The following CLOCK variants were observed in gnomAD, a reference collection of about 807,000 sequenced individuals.
CLOCK encodes the protein circadian locomoter output cycles protein kaput.
In CLOCK, 43 loss-of-function variants were observed where a neutral mutation model predicts 118.4. The observed-to-expected ratio is 0.36, with a 90% CI of 0.28 to 0.47. The LOEUF is 0.47. Among genes scored for constraint, CLOCK ranks in the 20% least tolerant of loss-of-function variants. The pLI is 1.00. For missense variants in CLOCK, 846 were observed against 999.9 expected (o/e 0.85, Z 2.08); for synonymous variants, 326 against 339.2 (o/e 0.96, Z 0.43).
chr4:55,491,833 T>C (rs532480764), intron 2 of CLOCK, among the ~76,000 whole-genome samples: 1 of 152,066 alleles, frequency 6.6e-6, no homozygotes, highest in Non-Finnish European at 1.5e-5. Flanking sequence ...ATAGACAAAT[T>C]AATCAGTAAG....
rs1723432547 is a variant in CLOCK at position 55,442,295 on chromosome 4, T to G, written c.2105+137A>C. On this transcript the variant is annotated intron_variant, in intron 21 of 22. Coordinates refer to ENST00000513440, the MANE Select transcript of CLOCK (RefSeq NM_004898.4). ...ACAATGAATACATTCAGTGTTTTTATTTCAAATTTAAGAACATTGGCTGCA... is the reference window on the plus strand; with the variant it reads ...ACAATGAATACATTCAGTGTTTTTAGTTCAAATTTAAGAACATTGGCTGCA... The G allele has an allele frequency of 5.1e-6, 4 of 782,260 alleles. No individual in the cohort carries two copies. The East Asian group carries it at 1.1e-4, about 21-fold the overall frequency. The allele number at this position is 782,260 out of a possible 1,614,324, so 48.5% of individuals were successfully genotyped here.
chr4:55,482,939 T>C, intron 3 of CLOCK, 111 bp from the exon 4 acceptor site: 1 of 505,010 alleles, frequency 2.0e-6, no homozygotes, highest in Non-Finnish European at 3.5e-6. Flanking sequence ...ACGTTTTGTT[T>C]GTACTGAAGA....
intron 1 of CLOCK, among the ~76,000 whole-genome samples, chr4:55,536,237 A>G (rs1483615170): frequency 6.6e-6 from 1 of 152,204 alleles, no homozygotes; most frequent in Non-Finnish European, 1.5e-5. Flanking sequence ...AGAAGACAAC[A>G]TCTGAAAAAA....
intron 2 of CLOCK, among the ~76,000 whole-genome samples, chr4:55,505,288 GA>G (rs996445283): frequency 1.3e-5 from 2 of 148,394 alleles, no homozygotes; most frequent in African/African-American, 2.5e-5. Context: ...AAAGCAGTTT[GA>G]AAAAAAAAGG....
At chr4:55,441,422 C>A (rs1159710864) in intron 21 of CLOCK, among the ~76,000 whole-genome samples, 1 of 152,166 alleles carries the variant, frequency 6.6e-6, no homozygotes, top group Non-Finnish European at 1.5e-5. Context: ...CAAAAAGACA[C>A]CTGCATACAT....
In CLOCK at chr4:55,455,953, C is replaced by G. The variant is rs748340308; in HGVS notation, c.926G>C (p.Gly309Ala). 8.1e-6 allele frequency: 13 copies of G among 1,613,512 alleles called. No individual in the cohort carries two copies. The Admixed American group carries it at 1.0e-4, about 12-fold the overall frequency. The part of the protein sequence containing the change: ...YLPFEVLGTS[G>A]YDYYHVDDLE... ...GTCATCCACATGATAGTAATCATAG[C>G]CTGATGTTCCCAGAACTTCAAATGG... Residue 309 changes from glycine (G) to alanine (A), a missense_variant, in exon 13 of 23, where the codon GGC (glycine) becomes GCC (alanine). Coordinates refer to ENST00000513440, the MANE Select transcript of CLOCK (RefSeq NM_004898.4).
At chr4:55,470,840 A>T in intron 7 of CLOCK, 34 bp from the exon 8 acceptor site, 1 of 1,446,668 alleles carries the variant, frequency 6.9e-7, no homozygotes, top group Non-Finnish European at 9.7e-7. Flanking sequence ...TTAAATGAAA[A>T]GAAAAAAGTA....
intron 1 of CLOCK, among the ~76,000 whole-genome samples, chr4:55,514,781 C>A (rs891009890): frequency 6.6e-6 from 1 of 152,052 alleles, no homozygotes; most frequent in Non-Finnish European, 1.5e-5. Flanking sequence ...ATTTGATTTG[C>A]TAATATTTTG....
At chr4:55,474,899 A>AG (rs1407748309) in intron 7 of CLOCK, among the ~76,000 whole-genome samples, 1 of 152,244 alleles carries the variant, frequency 6.6e-6, no homozygotes, top group Non-Finnish European at 1.5e-5. Flanking sequence ...GAGATGTACA[A>AG]GGAGATTAAT....
chr4:55,489,870 G>C (rs1296619786), intron 2 of CLOCK, among the ~76,000 whole-genome samples: 2 of 151,900 alleles, frequency 1.3e-5, no homozygotes, highest in Non-Finnish European at 2.9e-5. Context: ...TAAGCCCCAT[G>C]GTAATCACAT....
At chr4:55,516,649 C>G (rs1729533984) in intron 1 of CLOCK, among the ~76,000 whole-genome samples, 1 of 152,168 alleles carries the variant, frequency 6.6e-6, no homozygotes, top group African/African-American at 2.4e-5. Context: ...TTCATCCACT[C>G]TGGCACTGTC....
Position 55,473,488 on chromosome 4 carries a change from A to C in CLOCK, c.348+2475T>G, listed in dbSNP as rs558758381. ...TAACATTTCTGCTGAATACATAAAG[A>C]ATTAATCACACAATTAATTGTCCCA... On this transcript the variant is annotated intron_variant, in intron 7 of 22. Transcript: ENST00000513440. Among the ~76,000 whole-genome samples, 3 of 152,358 alleles carry C rather than the reference A, an allele frequency of 2.0e-5. No homozygotes were observed. In the South Asian group the frequency reaches 6.2e-4, roughly 32 times the overall value.
In CLOCK at chr4:55,448,769, CA is replaced by C. The variant is rs577243273; in HGVS notation, c.1539+9del. ...TCAAATACGCAACTGAAACAAAAAC[CA>C]AAAAGTACCTGGGACATGCCTTGTG... On this transcript the variant is annotated intron_variant, in intron 18 of 22. Transcript: ENST00000513440. The C allele has an allele frequency of 2.4e-4, 383 of 1,611,508 alleles. 2 individuals are homozygous for C. In the African/African-American group the frequency reaches 4.8e-3, roughly 20 times the overall value.
intron 8 of CLOCK, among the ~76,000 whole-genome samples, chr4:55,469,499 T>A (rs1725979329): frequency 6.6e-6 from 1 of 152,210 alleles, no homozygotes; most frequent in South Asian, 2.1e-4. Context: ...CCATGCCTAT[T>A]GTTTCTCCTG....
intron 1 of CLOCK, among the ~76,000 whole-genome samples, chr4:55,531,483 G>A (rs1287266695): frequency 6.6e-6 from 1 of 151,830 alleles, no homozygotes; most frequent in Non-Finnish European, 1.5e-5. Flanking sequence ...GAGAAGGGTG[G>A]ATCACAAGGT....
intron 8 of CLOCK, among the ~76,000 whole-genome samples, chr4:55,467,768 T>G (rs934975421): frequency 6.8e-6 from 1 of 147,234 alleles, no homozygotes; most frequent in African/African-American, 2.5e-5. Context: ...TTTCTGCCTA[T>G]GCTAGTTTAC....
rs1009827469 is a variant in CLOCK at position 55,438,423 on chromosome 4, A to T, written c.2220T>A (p.Thr740=). Residue 740 remains threonine (T), a synonymous_variant, in exon 22 of 23, where the codon ACT becomes ACA. Coordinates refer to ENST00000513440, the MANE Select transcript of CLOCK (RefSeq NM_004898.4). Reference sequence around the variant, plus strand: ...GTGACTGTTGCTGTTGTGTAGCAAAAGTAGGATATGCAGTCACCACCTGGC... The same window carrying T: ...GTGACTGTTGCTGTTGTGTAGCAAATGTAGGATATGCAGTCACCACCTGGC... The part of the protein sequence containing the change: ...LMGQVVTAYP[T]FATQQQQSQT... 7 of 1,613,828 alleles carry T rather than the reference A, an allele frequency of 4.3e-6. No homozygotes were observed. In the African/African-American group the frequency reaches 9.3e-5, roughly 22 times the overall value.
At chr4:55,450,372 A>C in intron 15 of CLOCK, 140 bp from the exon 16 acceptor site, 1 of 899,766 alleles carries the variant, frequency 1.1e-6, no homozygotes, top group Non-Finnish European at 1.8e-6. Flanking sequence ...ACACATGTAA[A>C]GAAATGAAAA....
chr4:55,447,307 T>G (rs1723942371), intron 18 of CLOCK, among the ~76,000 whole-genome samples: 1 of 152,014 alleles, frequency 6.6e-6, no homozygotes, highest in Non-Finnish European at 1.5e-5. Context: ...GAGGTTGCAG[T>G]AAGCCGAGAT....
Sources: allele counts gnomAD v4.1 joint callset (sites outside exome capture counted in the v4.1 genomes callset), GRCh38; gene constraint gnomAD v4.1.1; transcripts MANE v1.5; gene names NCBI Gene and HGNC (gene_info 2026-07-23, HGNC 2026-07-21).